Variants in TMEM38B observed in about 807,000 individuals in gnomAD.
TMEM38B encodes trimeric intracellular cation channel type B.
TMEM38B carries 24 observed loss-of-function variants against 28.7 expected under a neutral mutation model. The ratio of observed to expected loss-of-function variants is 0.84; its 90% CI spans 0.61 to 1.18. TMEM38B has a LOEUF of 1.18. TMEM38B is among the 50% of genes most tolerant of loss of function. The probability of loss-of-function intolerance (pLI) is 0.00; values close to 1 mark genes in which losing one functional copy is unlikely to be tolerated. For missense variants in TMEM38B, 380 were observed against 350.9 expected (o/e 1.08, Z -0.66); for synonymous variants, 131 against 127.7 (o/e 1.03, Z -0.17).
At chr9:105,748,292 A>G (rs1343167289) in intron 5 of TMEM38B, 102 bp downstream of exon 5, 7 of 797,416 alleles carry the variant, frequency 8.8e-6, no homozygotes, top group Middle Eastern at 3.6e-4. Context: ...TTTATTTATT[A>G]TTATTATCTA....
chr9:105,734,689 CT>C (rs1836904688), intron 4 of TMEM38B, among the ~76,000 whole-genome samples: 1 of 151,782 alleles, frequency 6.6e-6, no homozygotes, highest in Non-Finnish European at 1.5e-5. Context: ...AAATACTGAC[CT>C]TTGTCTTTTC....
intron 4 of TMEM38B, among the ~76,000 whole-genome samples, chr9:105,739,076 G>A (rs1837090690): frequency 6.6e-6 from 1 of 151,952 alleles, no homozygotes; most frequent in African/African-American, 2.4e-5. Flanking sequence ...TCTTTTGTAT[G>A]TGGATGTATA....
At chr9:105,698,074 T>C (rs2133541916) in intron 1 of TMEM38B, among the ~76,000 whole-genome samples, 1 of 151,812 alleles carries the variant, frequency 6.6e-6, no homozygotes, top group African/African-American at 2.4e-5. Context: ...TGCATAGACC[T>C]CTGGAATGTC....
chr9:105,748,266 G>T (rs1195096214), intron 5 of TMEM38B, 76 bp downstream of exon 5: 20 of 1,006,416 alleles, frequency 2.0e-5, no homozygotes, highest in Non-Finnish European at 2.9e-5. Flanking sequence ...TGCATGCTGG[G>T]CAAGTAAGAG....
At chr9:105,759,142 A>G (rs1206370947) in intron 5 of TMEM38B, 2 of 776,860 alleles carry the variant, frequency 2.6e-6, no homozygotes, top group Non-Finnish European at 4.8e-6. Flanking sequence ...GGATTTGAAC[A>G]AGATATATTC....
rs756492833 is a variant in TMEM38B, at chr9:105,743,705, C to T, written c.543-4368C>T. ...AGAACCAGTTGTGTACATCTCTCCT[C>T]TTCCATAGAGCACCCTGACATTGGC... is the stretch of plus-strand genomic sequence containing the variant. On this transcript the variant is annotated intron_variant, in intron 4 of 5. Transcript: ENST00000374692. Among the ~76,000 whole-genome samples the T allele has an allele frequency of 1.7e-4, 26 of 152,184 alleles. No individual in the cohort carries two copies. In the East Asian group the frequency reaches 5.0e-3, roughly 29 times the overall value.
intron 1 of TMEM38B, 114 bp from the exon 2 acceptor site, chr9:105,705,483 A>T (rs1054838005): frequency 1.6e-5 from 16 of 1,031,236 alleles, no homozygotes; most frequent in Non-Finnish European, 1.9e-5. Flanking sequence ...TATGAATAAT[A>T]GTTGTTGAAA....
At chr9:105,745,422 G>A (rs547224393) in intron 4 of TMEM38B, among the ~76,000 whole-genome samples, 2 of 152,026 alleles carry the variant, frequency 1.3e-5, no homozygotes, top group Admixed American at 1.3e-4. Context: ...TCGCTCACTT[G>A]TTGATGGGGT....
chr9:105,758,130 G>A (rs764200753), intron 5 of TMEM38B: 15 of 509,688 alleles, frequency 2.9e-5, no homozygotes, highest in South Asian at 7.6e-5. Flanking sequence ...TGTTGCCTTC[G>A]CTGCCATGGA....
chr9:105,701,075 C>T (rs931636923), intron 1 of TMEM38B: 2 of 152,030 alleles, frequency 1.3e-5, no homozygotes, highest in Admixed American at 6.5e-5. Context: ...TATTGTTCCC[C>T]CAGAGTAGTA....
chr9:105,717,987 A>ATCC, intron 2 of TMEM38B, among the ~76,000 whole-genome samples: 1 of 152,264 alleles, frequency 6.6e-6, no homozygotes, highest in East Asian at 1.9e-4. Flanking sequence ...TGAGGCATGG[A>ATCC]GAGGTTAATA....
chr9:105,760,606 CTA>C, intron 5 of TMEM38B: 2 of 769,110 alleles, frequency 2.6e-6, no homozygotes, highest in East Asian at 2.4e-5. Context: ...AAGAAAAAAA[CTA>C]AAACAGTTTC....
intron 1 of TMEM38B, among the ~76,000 whole-genome samples, chr9:105,699,521 A>G (rs1425863290): frequency 1.3e-5 from 2 of 152,148 alleles, no homozygotes; most frequent in African/African-American, 2.4e-5. Context: ...GTCTGCCTAG[A>G]TCTTAAACAA....
intron 2 of TMEM38B, among the ~76,000 whole-genome samples, chr9:105,717,529 T>G (rs1293573512): frequency 6.6e-6 from 1 of 152,180 alleles, no homozygotes; most frequent in African/African-American, 2.4e-5. Flanking sequence ...TGGTGAAAAT[T>G]AGTAATTATA....
chr9:105,722,681 C>A, intron 4 of TMEM38B, 60 bp downstream of exon 4: 1 of 1,402,984 alleles, frequency 7.1e-7, no homozygotes, highest in Non-Finnish European at 1.0e-6. Flanking sequence ...TACCAAATTC[C>A]TTTTTAAGAA....
intron 2 of TMEM38B, among the ~76,000 whole-genome samples, chr9:105,717,056 G>A (rs914944981): frequency 7.9e-5 from 12 of 152,130 alleles, no homozygotes; most frequent in African/African-American, 2.4e-4. Context: ...ACTATTGTGC[G>A]TGGGATTTTG....
intron 4 of TMEM38B, among the ~76,000 whole-genome samples, chr9:105,742,607 T>G (rs1005942062): frequency 2.6e-5 from 4 of 152,208 alleles, no homozygotes; most frequent in African/African-American, 9.6e-5. Flanking sequence ...CAATTTAAAA[T>G]GGACTTCTTC....
intron 4 of TMEM38B, among the ~76,000 whole-genome samples, chr9:105,724,804 A>G (rs1285257613): frequency 6.6e-6 from 1 of 152,196 alleles, no homozygotes; most frequent in East Asian, 1.9e-4. Flanking sequence ...TACTCTTGAT[A>G]TTCAGGGGAG....
chr9:105,707,699 A>C (rs1480656307), intron 2 of TMEM38B, among the ~76,000 whole-genome samples: 1 of 152,212 alleles, frequency 6.6e-6, no homozygotes, highest in African/African-American at 2.4e-5. Context: ...TTTCCATTTG[A>C]CAAATGATAA....
Sources: gnomAD v4.1 joint callset for allele counts (sites outside exome capture counted in the v4.1 genomes callset) on GRCh38, gnomAD v4.1.1 for gene constraint, MANE v1.5 for transcripts, NCBI Gene and HGNC (gene_info 2026-07-23, HGNC 2026-07-21) for gene names.